Variants in SQOR observed in about 807,000 individuals in gnomAD.
SQOR encodes sulfide:quinone oxidoreductase, mitochondrial.
Under a neutral mutation model 48.6 loss-of-function variants are expected in SQOR, and 39 were observed. The observed-to-expected ratio is 0.80, with a 90% confidence interval of 0.62 to 1.05. The LOEUF (loss-of-function observed/expected upper bound fraction) is 1.05, where lower values mean the gene tolerates loss of function less well. SQOR is among the 50% of genes least tolerant of loss of function. The pLI is 0.00. For missense variants in SQOR, 561 were observed against 559.9 expected, an observed-to-expected ratio of 1.00 and a Z score of -0.02; for synonymous variants, 220 against 206.2, an observed-to-expected ratio of 1.07 and a Z score of -0.57.
At chr15:45,683,524 C>T (rs562846802) in intron 7 of SQOR, among the ~76,000 whole-genome samples, 2 of 152,330 alleles carry the variant, frequency 1.3e-5, no homozygotes, top group African/African-American at 4.8e-5. Flanking sequence ...CCTCTACTGA[C>T]AGGAACTGTC....
intron 3 of SQOR, among the ~76,000 whole-genome samples, chr15:45,666,636 TTGAG>T (rs1488224850): frequency 1.3e-5 from 2 of 152,146 alleles, no homozygotes; most frequent in African/African-American, 2.4e-5. Flanking sequence ...GATATATTTA[TTGAG>T]TATCTACTAT....
intron 1 of SQOR, among the ~76,000 whole-genome samples, chr15:45,643,164 A>G (rs960226036): frequency 1.3e-5 from 2 of 152,148 alleles, no homozygotes; most frequent in Non-Finnish European, 2.9e-5. Context: ...GCATCCTTAC[A>G]TACAGTGGGC....
intron 9 of SQOR, 88 bp from the exon 10 acceptor site, chr15:45,690,885 C>T (rs971957486): frequency 9.0e-7 from 1 of 1,116,998 alleles, no homozygotes; most frequent in Non-Finnish European, 1.4e-6. Context: ...GCTCTGTGAG[C>T]AGCCTGGCTT....
intron 3 of SQOR, among the ~76,000 whole-genome samples, chr15:45,665,992 T>C (rs2140951721): frequency 6.6e-6 from 1 of 152,328 alleles, no homozygotes; most frequent in South Asian, 2.1e-4. Flanking sequence ...GATCCGGGGG[T>C]GTGTTTGTCT....
rs114674846 is a variant in SQOR at position 45,690,542 on chromosome 15, G to T, written c.1296-431G>T. On this transcript the variant is annotated intron_variant, in intron 9 of 9. Transcript: ENST00000260324. Reference sequence around the variant, plus strand: ...CTTTTTGGTTGTTACAACTGGAGGGGTGCTACTTGCATTTAGTGAGCAGAG... The same window carrying T: ...CTTTTTGGTTGTTACAACTGGAGGGTTGCTACTTGCATTTAGTGAGCAGAG... Among the ~76,000 whole-genome samples, 561 of 152,304 alleles carry T rather than the reference G, an allele frequency of 3.7e-3. 3 individuals are homozygous for T. Among genetic ancestry groups the T allele is most frequent in the African/African-American group, 0.013 (540 of 41,558 alleles).
chr15:45,633,032 A>G (rs1003275826), upstream of SQOR, among the ~76,000 whole-genome samples: 1 of 151,818 alleles, frequency 6.6e-6, no homozygotes, highest in Non-Finnish European at 1.5e-5. Context: ...CTGAGGTAGG[A>G]GGACTGTTTA....
At chr15:45,654,130 A>AG (rs200271454) in intron 1 of SQOR, among the ~76,000 whole-genome samples, 31,823 of 150,916 alleles carry the variant, frequency 0.21, 3,568 homozygotes, top group Admixed American at 0.31. Context: ...AAAAAAAAAA[A>AG]AAAAGTGGCA....
At chr15:45,638,451 G>T (rs113932443) in intron 1 of SQOR, among the ~76,000 whole-genome samples, 2 of 152,106 alleles carry the variant, frequency 1.3e-5, no homozygotes, top group Non-Finnish European at 2.9e-5. Context: ...AGCCAGGCAC[G>T]GTGGCTCACG....
intron 6 of SQOR, among the ~76,000 whole-genome samples, chr15:45,677,039 TAAAA>T (rs200916577): frequency 7.9e-6 from 1 of 127,122 alleles, no homozygotes; most frequent in Non-Finnish European, 1.7e-5. Flanking sequence ...AGACTCCGTC[TAAAA>T]AAAAAAAAAA....
chr15:45,667,201 G>C (rs1488196841), intron 3 of SQOR, among the ~76,000 whole-genome samples: 1 of 138,070 alleles, frequency 7.2e-6, no homozygotes, highest in Non-Finnish European at 1.5e-5. Flanking sequence ...GCAGTGGTGA[G>C]ATCACAGCTC....
intron 1 of SQOR, among the ~76,000 whole-genome samples, chr15:45,658,118 G>T (rs1279748923): frequency 6.6e-6 from 1 of 152,198 alleles, no homozygotes; most frequent in Non-Finnish European, 1.5e-5. Flanking sequence ...AACTATTAAG[G>T]AGAAATTGTT....
intron 3 of SQOR, among the ~76,000 whole-genome samples, chr15:45,668,503 T>C (rs1014085487): frequency 1.3e-5 from 2 of 152,208 alleles, no homozygotes; most frequent in African/African-American, 4.8e-5. Context: ...ATGCACACTA[T>C]GCTGGGGAGC....
intron 7 of SQOR, among the ~76,000 whole-genome samples, chr15:45,686,940 G>A (rs1489429564): frequency 6.6e-6 from 1 of 152,068 alleles, no homozygotes; most frequent in Non-Finnish European, 1.5e-5. Flanking sequence ...CTCCTGAGTA[G>A]CTGGAATTAC....
At chr15:45,670,279 TA>T (rs1889915331) in intron 4 of SQOR, among the ~76,000 whole-genome samples, 1 of 152,242 alleles carries the variant, frequency 6.6e-6, no homozygotes, top group African/African-American at 2.4e-5. Flanking sequence ...CATGTCTTTC[TA>T]TGTGGGACAG....
chr15:45,689,116 G>A lies in SQOR; in HGVS notation c.1194G>A (p.Glu398=), dbSNP rs756065964. ...TTGCTGAGTTTGACTACAAAGCAGA[G>A]CCGCTAGAAACCTTCCCCTTTGATC... The part of the protein sequence containing the change: ...VILAEFDYKA[E]PLETFPFDQS... The change falls in exon 9 of 10, where the codon GAG becomes GAA. Residue 398 remains glutamate (E), a synonymous_variant. Coordinates refer to ENST00000260324, the MANE Select transcript of SQOR (RefSeq NM_021199.4). 3 of 1,614,032 alleles carry A rather than the reference G, an allele frequency of 1.9e-6. No homozygotes were observed. The South Asian group carries it at 3.3e-5, about 18-fold the overall frequency.
At chr15:45,659,690 T>A (rs557184184) in intron 2 of SQOR, among the ~76,000 whole-genome samples, 64 of 152,376 alleles carry the variant, frequency 4.2e-4, no homozygotes, top group Middle Eastern at 3.4e-3. Flanking sequence ...TGTCTTCACA[T>A]GACCCTTTTA....
upstream of SQOR, among the ~76,000 whole-genome samples, chr15:45,634,489 G>A (rs961372519): frequency 2.0e-5 from 3 of 151,972 alleles, no homozygotes; most frequent in Admixed American, 1.3e-4. Flanking sequence ...GCCAGTGGCT[G>A]GAAGCCAGCT....
intron 1 of SQOR, among the ~76,000 whole-genome samples, chr15:45,648,412 G>A (rs768301143): frequency 6.6e-6 from 1 of 152,134 alleles, no homozygotes; most frequent in Non-Finnish European, 1.5e-5. Flanking sequence ...TCCTGACCTC[G>A]TGATCCGCCC....
chr15:45,668,916 A>G (rs1398872122), intron 3 of SQOR, among the ~76,000 whole-genome samples: 2 of 152,068 alleles, frequency 1.3e-5, no homozygotes, highest in East Asian at 1.9e-4. Context: ...CTACTTATGC[A>G]TACAATACCC....
Sources: allele counts gnomAD v4.1 joint callset (sites outside exome capture counted in the v4.1 genomes callset), GRCh38; gene constraint gnomAD v4.1.1; transcripts MANE v1.5; gene names NCBI Gene and HGNC (gene_info 2026-07-23, HGNC 2026-07-21).